Variants in GALNT8 observed in about 807,000 individuals in gnomAD.
GALNT8 encodes the protein probable polypeptide N-acetylgalactosaminyltransferase 8.
GALNT8 carries 66 observed loss-of-function variants against 62.7 expected under a neutral mutation model. The ratio of observed to expected loss-of-function variants is 1.05; its 90% CI spans 0.86 to 1.29. The LOEUF is 1.29. Among genes scored for constraint, GALNT8 ranks in the 50% most tolerant of loss-of-function variants. The pLI is 0.00. For missense variants in GALNT8, 771 were observed against 791.8 expected, an observed-to-expected ratio of 0.97 and a Z score of 0.32; for synonymous variants, 288 against 294.3, an observed-to-expected ratio of 0.98 and a Z score of 0.22.
chr12:4,734,380 C>T (rs2137523447), intron 2 of GALNT8, among the ~76,000 whole-genome samples: 1 of 152,248 alleles, frequency 6.6e-6, no homozygotes, highest in South Asian at 2.1e-4. Flanking sequence ...CCGCTCAGAC[C>T]TACTGATGAG....
intron 6 of GALNT8, among the ~76,000 whole-genome samples, chr12:4,753,706 A>G (rs1352791341): frequency 6.6e-6 from 1 of 152,136 alleles, no homozygotes; most frequent in Non-Finnish European, 1.5e-5. Flanking sequence ...TGTTTTCCTG[A>G]ATTATCTTGA....
chr12:4,741,779 A>G (rs1414617498), intron 3 of GALNT8, among the ~76,000 whole-genome samples: 1 of 152,140 alleles, frequency 6.6e-6, no homozygotes, highest in Non-Finnish European at 1.5e-5. Flanking sequence ...CATTCCTCTC[A>G]TTTAGGTCTG....
chr12:4,770,937 T>G (rs1565391753), intron 10 of GALNT8, among the ~76,000 whole-genome samples: 1 of 152,136 alleles, frequency 6.6e-6, no homozygotes, highest in East Asian at 1.9e-4. Context: ...ATGTTAGGAA[T>G]AGTGTTTCTC....
At chr12:4,737,717 C>T (rs1946252136) in intron 2 of GALNT8, among the ~76,000 whole-genome samples, 2 of 152,180 alleles carry the variant, frequency 1.3e-5, no homozygotes, top group Admixed American at 1.3e-4. Flanking sequence ...GTCGTGAAGG[C>T]TCTGCTCTGG....
rs1335076449 is a variant in GALNT8, at chr12:4,720,615, C to A, written c.-63C>A. The A allele has an allele frequency of 5.5e-6, 6 of 1,084,228 alleles. No individual in the cohort carries two copies. In the East Asian group the frequency reaches 1.4e-4, roughly 26 times the overall value. 67.2% of individuals were successfully genotyped at this position (1,084,228 alleles called of 1,614,324 possible). A position where few individuals can be genotyped will look rare whatever the true frequency, so the allele number is the denominator to read the frequency against. On this transcript the variant is annotated 5_prime_UTR_variant, in exon 1 of 11. Transcript: ENST00000252318. ...CACAAAAGCTAGGCTGGTTCTGATT[C>A]TTAACCTGCTCCAGCAGTGACACAC...
chr12:4,734,006 G>A (rs1319140440), intron 2 of GALNT8, among the ~76,000 whole-genome samples: 1 of 152,244 alleles, frequency 6.6e-6, no homozygotes, highest in Non-Finnish European at 1.5e-5. Flanking sequence ...ACGTAATAAT[G>A]ACAACAAGAA....
In GALNT8 at chr12:4,761,021, C is replaced by T. The variant is rs768844170; in HGVS notation, c.1237C>T (p.His413Tyr). The change falls in exon 7 of 11, where the codon CAC (histidine) becomes TAC (tyrosine). Residue 413 changes from histidine (H) to tyrosine (Y), a missense_variant. Physicochemically the swap from His to Tyr is moderately conservative, Grantham distance 83. Coordinates refer to ENST00000252318, the MANE Select transcript of GALNT8 (RefSeq NM_017417.2). ...TTCCCGGATTGCCCACCTAGAGAGA[C>T]ACCACAAGCCCTACGCCTTGGATCT... ...PCSRIAHLER[H>Y]HKPYALDLTA... 6.2e-7 allele frequency: 1 copy of T among 1,614,098 alleles called. No individual in the cohort carries two copies. The highest frequency in any genetic ancestry group is 8.5e-7 in the Non-Finnish European group (1 of 1,180,004).
chr12:4,751,011 A>C (rs946511517), intron 6 of GALNT8, among the ~76,000 whole-genome samples: 1 of 152,188 alleles, frequency 6.6e-6, no homozygotes, highest in African/African-American at 2.4e-5. Context: ...AAACCTGACA[A>C]AAACAAGCAA....
intron 10 of GALNT8, among the ~76,000 whole-genome samples, chr12:4,765,916 G>T (rs1946397969): frequency 6.6e-6 from 1 of 152,192 alleles, no homozygotes; most frequent in Non-Finnish European, 1.5e-5. Flanking sequence ...GAGTAGCTGG[G>T]ATTACAGGCA....
intron 1 of GALNT8, among the ~76,000 whole-genome samples, chr12:4,721,820 C>T (rs1221771354): frequency 2.0e-5 from 3 of 152,196 alleles, no homozygotes; most frequent in African/African-American, 7.2e-5. Context: ...CTTTCCCTTC[C>T]CACGAGGCCA....
chr12:4,740,917 C>T (rs1352513302), intron 3 of GALNT8, among the ~76,000 whole-genome samples: 5 of 152,138 alleles, frequency 3.3e-5, no homozygotes, highest in African/African-American at 7.2e-5. Flanking sequence ...ACTGTGTTCC[C>T]GTTATAATAC....
intron 3 of GALNT8, among the ~76,000 whole-genome samples, chr12:4,742,490 A>C (rs184373844): frequency 1.3e-5 from 2 of 152,328 alleles, no homozygotes; most frequent in Admixed American, 1.3e-4. Flanking sequence ...GATGTCAGAG[A>C]GTTCAAGTTT....
intron 3 of GALNT8, among the ~76,000 whole-genome samples, chr12:4,741,516 G>T (rs1946272042): frequency 6.6e-6 from 1 of 151,992 alleles, no homozygotes; most frequent in Non-Finnish European, 1.5e-5. Context: ...TTGGGACTCA[G>T]GGTCTTCATG....
intron 10 of GALNT8, among the ~76,000 whole-genome samples, chr12:4,767,738 T>G (rs1409194643): frequency 1.3e-5 from 2 of 152,238 alleles, no homozygotes; most frequent in Non-Finnish European, 2.9e-5. Context: ...ATGGCCTTAA[T>G]CATATCTTTT....
chr12:4,746,701 GT>G (rs1270625563), intron 6 of GALNT8, among the ~76,000 whole-genome samples: 1 of 152,148 alleles, frequency 6.6e-6, no homozygotes, highest in Non-Finnish European at 1.5e-5. Flanking sequence ...GATAGCCTGA[GT>G]TTGTGCTGAG....
intron 2 of GALNT8, among the ~76,000 whole-genome samples, chr12:4,737,650 A>C (rs1415594450): frequency 6.6e-6 from 1 of 152,222 alleles, no homozygotes; most frequent in African/African-American, 2.4e-5. Flanking sequence ...AACTCATGTT[A>C]AAATGTATTT....
At chr12:4,748,597 C>T (rs568661111) in intron 6 of GALNT8, among the ~76,000 whole-genome samples, 4 of 151,642 alleles carry the variant, frequency 2.6e-5, no homozygotes, top group East Asian at 1.9e-4. Context: ...TTTTTATGCT[C>T]GTACCATGCT....
chr12:4,752,496 G>T (rs1591571205), intron 6 of GALNT8, among the ~76,000 whole-genome samples: 1 of 148,848 alleles, frequency 6.7e-6, no homozygotes, highest in Admixed American at 6.7e-5. Context: ...GATGATGATG[G>T]CTTAACACTA....
At chr12:4,730,637 A>G (rs1035186069) in intron 2 of GALNT8, among the ~76,000 whole-genome samples, 2 of 152,136 alleles carry the variant, frequency 1.3e-5, no homozygotes, top group Non-Finnish European at 2.9e-5. Context: ...TTTTGAAGTC[A>G]TGTAGTGTAA....
Sources: gnomAD v4.1 joint callset for allele counts (sites outside exome capture counted in the v4.1 genomes callset) on GRCh38, gnomAD v4.1.1 for gene constraint, MANE v1.5 for transcripts, NCBI Gene and HGNC (gene_info 2026-07-23, HGNC 2026-07-21) for gene names.